Variants in ACTR10 observed in about 807,000 individuals in gnomAD.
The protein encoded by ACTR10 is actin related protein 10.
Under a neutral mutation model 56.2 loss-of-function variants are expected in ACTR10, and 43 were observed. The ratio of observed to expected loss-of-function variants is 0.77; its 90% confidence interval spans 0.60 to 0.99. ACTR10 has a LOEUF of 0.99. Ranked by LOEUF, ACTR10 falls within the 50% of genes least tolerant of loss-of-function variation. The pLI, the probability that ACTR10 is intolerant of heterozygous loss-of-function variation, is 0.00. For missense variants in ACTR10, 466 were observed against 507.8 expected (o/e 0.92, Z 0.79); for synonymous variants, 170 against 176.3 (o/e 0.96, Z 0.28).
chr14:58,224,938 G>A lies in ACTR10; in HGVS notation c.788+1082G>A, dbSNP rs1040092382. Among the ~76,000 whole-genome samples the A allele has an allele frequency of 3.3e-5, 5 of 150,222 alleles. No individual in the cohort carries two copies. The East Asian group carries it at 7.8e-4, about 24-fold the overall frequency. On this transcript the variant is annotated intron_variant, in intron 10 of 12. Transcript: ENST00000254286. ...CAGGAGGCAGAGGTTGTGGTGAGCC[G>A]ACATCGCACCATTGCACTCCAGCCT...
At chr14:58,229,186 T>C (rs1889471741) in intron 10 of ACTR10, among the ~76,000 whole-genome samples, 1 of 151,892 alleles carries the variant, frequency 6.6e-6, no homozygotes, top group East Asian at 1.9e-4. Context: ...ATCTCACTTA[T>C]ATGTGGAATC....
At chr14:58,211,127 C>T (rs1888983345) in intron 4 of ACTR10, 165 bp from the exon 5 acceptor site, 3 of 501,162 alleles carry the variant, frequency 6.0e-6, no homozygotes, top group Admixed American at 3.5e-5. Context: ...TATAAATCAA[C>T]AAACTAGTTC....
chr14:58,211,959 G>T (rs1382705878), intron 5 of ACTR10, among the ~76,000 whole-genome samples: 1 of 147,466 alleles, frequency 6.8e-6, no homozygotes, highest in Non-Finnish European at 1.5e-5. Flanking sequence ...AAAAGAATAC[G>T]TTTTTTCTTT....
At chr14:58,231,799 T>C (rs1889541759) in intron 11 of ACTR10, among the ~76,000 whole-genome samples, 1 of 152,218 alleles carries the variant, frequency 6.6e-6, no homozygotes, top group Non-Finnish European at 1.5e-5. Context: ...CTATGGAATG[T>C]AAAATTCTAT....
chr14:58,203,363 T>C (rs1290013124), intron 2 of ACTR10, among the ~76,000 whole-genome samples: 1 of 151,912 alleles, frequency 6.6e-6, no homozygotes. Context: ...GTGGCTATAT[T>C]TCCAAGGAAA....
intron 11 of ACTR10, 100 bp from the exon 12 acceptor site, chr14:58,231,966 A>G: frequency 6.6e-6 from 4 of 604,834 alleles, no homozygotes; most frequent in South Asian, 4.3e-5. Flanking sequence ...TAATAATAAT[A>G]TGTATAATAA....
chr14:58,206,772 T>C (rs895011569), intron 2 of ACTR10, among the ~76,000 whole-genome samples: 1 of 152,206 alleles, frequency 6.6e-6, no homozygotes, highest in African/African-American at 2.4e-5. Context: ...GTCATTTTTA[T>C]CACACATATT....
chr14:58,208,243 A>T (rs1453419343), intron 3 of ACTR10, among the ~76,000 whole-genome samples: 1 of 152,216 alleles, frequency 6.6e-6, no homozygotes, highest in Non-Finnish European at 1.5e-5. Flanking sequence ...AAGTGAACTG[A>T]TAATTAAATT....
intron 12 of ACTR10, 118 bp downstream of exon 12, chr14:58,232,385 G>T: frequency 3.6e-5 from 10 of 281,410 alleles, no homozygotes; most frequent in East Asian, 2.0e-4. Context: ...TTTATAAATA[G>T]AACTAACACT....
intron 6 of ACTR10, 95 bp from the exon 7 acceptor site, chr14:58,215,110 A>C: frequency 1.3e-6 from 1 of 792,560 alleles, no homozygotes; most frequent in South Asian, 2.1e-5. Context: ...TCTCCAAAAA[A>C]AAAATCATAA....
At chr14:58,223,293 C>T (rs1478320546) in intron 8 of ACTR10, among the ~76,000 whole-genome samples, 1 of 152,114 alleles carries the variant, frequency 6.6e-6, no homozygotes, top group Non-Finnish European at 1.5e-5. Context: ...CCCGCCACCA[C>T]GCCCGGCTAA....
At position 58,209,413 on chromosome 14, in the gene ACTR10, A is replaced by G. The variant is rs569910510; in HGVS notation, c.342+306A>G. 1.8e-3 allele frequency among the ~76,000 whole-genome samples: 280 copies of G among 152,188 alleles called. 3 individuals are homozygous for G. Among genetic ancestry groups the G allele is most frequent in the African/African-American group, 6.1e-3 (252 of 41,556 alleles). On this transcript the variant is annotated intron_variant, in intron 4 of 12. Transcript: ENST00000254286. ...TATTTCTTTTTATTACTGTTTATTT[A>G]TTTTAATATAGGTTTTTCTATTTGG...
At chr14:58,222,937 GC>G (rs1219517877) in intron 8 of ACTR10, among the ~76,000 whole-genome samples, 1 of 151,904 alleles carries the variant, frequency 6.6e-6, no homozygotes, top group Admixed American at 6.6e-5. Context: ...AAAGAAATAT[GC>G]TATTCAGTTA....
At chr14:58,210,539 A>T (rs1026110802) in intron 4 of ACTR10, among the ~76,000 whole-genome samples, 1 of 152,210 alleles carries the variant, frequency 6.6e-6, no homozygotes, top group Admixed American at 6.5e-5. Flanking sequence ...CAGTAAAAAT[A>T]TATAGTTCAT....
At chr14:58,216,281 C>T (rs1439138863) in intron 7 of ACTR10, among the ~76,000 whole-genome samples, 1 of 152,138 alleles carries the variant, frequency 6.6e-6, no homozygotes, top group African/African-American at 2.4e-5. Context: ...CAAGCCACCA[C>T]ACCCAGCTAA....
At chr14:58,215,701 A>G (rs1278441576) in intron 7 of ACTR10, among the ~76,000 whole-genome samples, 2 of 151,792 alleles carry the variant, frequency 1.3e-5, no homozygotes, top group Non-Finnish European at 2.9e-5. Context: ...CACAACTTCT[A>G]CATCTGCATG....
intron 12 of ACTR10, 118 bp downstream of exon 12, chr14:58,232,385 G>C: frequency 2.5e-4 from 71 of 281,292 alleles, no homozygotes; most frequent in East Asian, 6.1e-4. Context: ...TTTATAAATA[G>C]AACTAACACT....
chr14:58,218,654 A>C (rs1041798651), intron 7 of ACTR10, among the ~76,000 whole-genome samples: 2 of 152,090 alleles, frequency 1.3e-5, no homozygotes, highest in Non-Finnish European at 2.9e-5. Context: ...CTCAGAACTG[A>C]AAGTTATAGT....
At chr14:58,229,603 A>G (rs1352952762) in intron 10 of ACTR10, among the ~76,000 whole-genome samples, 1 of 150,936 alleles carries the variant, frequency 6.6e-6, no homozygotes, top group African/African-American at 2.4e-5. Flanking sequence ...GCGTGAATCC[A>G]GGAGGCGGAG....
Sources: allele counts gnomAD v4.1 joint callset (sites outside exome capture counted in the v4.1 genomes callset), GRCh38; gene constraint gnomAD v4.1.1; transcripts MANE v1.5; gene names NCBI Gene and HGNC (gene_info 2026-07-23, HGNC 2026-07-21).